The following ZNF705A variants were observed in gnomAD, a reference collection of about 807,000 sequenced individuals.
The protein encoded by ZNF705A is zinc finger protein 705A.
A neutral mutation model predicts 16.6 loss-of-function variants in ZNF705A; 8 were observed. That is an observed-to-expected ratio of 0.48 (90% CI 0.28 to 0.87). ZNF705A has a LOEUF of 0.87. ZNF705A is among the 40% of genes least tolerant of loss of function. ZNF705A has a pLI of 0.10. For missense variants in ZNF705A, 233 were observed against 359.9 expected, an observed-to-expected ratio of 0.65 and a Z score of 2.85; for synonymous variants, 73 against 117.3, an observed-to-expected ratio of 0.62 and a Z score of 2.44.
chr12:8,162,323 C>T (rs1948362704), intron 1 of ZNF705A, among the ~76,000 whole-genome samples: 2 of 152,128 alleles, frequency 1.3e-5, no homozygotes, highest in Non-Finnish European at 2.9e-5. Flanking sequence ...AAAATTTCTG[C>T]AAAACCAGAA....
intron 1 of ZNF705A, among the ~76,000 whole-genome samples, chr12:8,158,864 T>G (rs190411876): frequency 6.6e-6 from 1 of 152,242 alleles, no homozygotes; most frequent in African/African-American, 2.4e-5. Flanking sequence ...AGTATTTGGG[T>G]ACATAAGTAA....
upstream of ZNF705A, among the ~76,000 whole-genome samples, chr12:8,168,573 G>C (rs1278254092): frequency 2.0e-5 from 3 of 152,082 alleles, no homozygotes; most frequent in Admixed American, 1.3e-4. Flanking sequence ...GTAACTACTA[G>C]TCACATGTGA....
exon 5 of ZNF705A, chr12:8,178,774 G>A (rs1948507762): frequency 6.6e-6 from 1 of 152,234 alleles, no homozygotes; most frequent in African/African-American, 2.4e-5. Context: ...AACTTAGTAT[G>A]TTGGCGAAGC....
chr12:8,167,674 C>T (rs1260370150), upstream of ZNF705A, among the ~76,000 whole-genome samples: 1 of 152,128 alleles, frequency 6.6e-6, no homozygotes, highest in Non-Finnish European at 1.5e-5. Context: ...GGTCTCATTC[C>T]CTTACAATGA....
exon 4 of ZNF705A, chr12:8,175,934 A>G (rs1246526886): frequency 1.2e-6 from 2 of 1,611,526 alleles, no homozygotes. Flanking sequence ...ATCCACCAGT[A>G]TGACAATGGT....
At chr12:8,167,232 T>G (rs150431907) in intron 1 of ZNF705A, among the ~76,000 whole-genome samples, 11,421 of 152,110 alleles carry the variant, frequency 0.075, 1,103 homozygotes, top group African/African-American at 0.24. Flanking sequence ...TGCTTTCTAG[T>G]ACATATAATA....
At chr12:8,160,991 G>T (rs1344136589) in intron 1 of ZNF705A, among the ~76,000 whole-genome samples, 5 of 152,052 alleles carry the variant, frequency 3.3e-5, no homozygotes, top group African/African-American at 7.2e-5. Flanking sequence ...TTACATTGAG[G>T]TATGTCCCCT....
intron 1 of ZNF705A, 23 bp from the exon 3 acceptor site, chr12:8,174,303 C>T (rs765627032): frequency 1.3e-6 from 2 of 1,593,104 alleles, no homozygotes; most frequent in African/African-American, 2.7e-5. Context: ...TCTGTCTAAA[C>T]TAAAATGTCT....
intron 1 of ZNF705A, among the ~76,000 whole-genome samples, 200 bp from the exon 3 acceptor site, chr12:8,174,126 T>C (rs1948466204): frequency 2.0e-5 from 3 of 152,176 alleles, no homozygotes; most frequent in Admixed American, 1.3e-4. Context: ...TATAGTAAAG[T>C]TTAATGGATT....
intron 3 of ZNF705A, among the ~76,000 whole-genome samples, 160 bp downstream of exon 4, chr12:8,175,483 C>T (rs753274827): frequency 3.3e-5 from 5 of 152,104 alleles, no homozygotes; most frequent in Admixed American, 6.5e-5. Flanking sequence ...TCATTTTGTT[C>T]ATGTGTCAGA....
At position 8,174,241 on chromosome 12, in the gene ZNF705A, C is replaced by A. The variant is rs1591625316; in HGVS notation, c.13-85C>A. 3.1e-6 allele frequency: 5 copies of A among 1,596,182 alleles called. No individual in the cohort carries two copies. The East Asian group carries it at 1.1e-4, about 36-fold the overall frequency. The stretch of plus-strand genomic sequence containing the variant: ...AACACTGAGTATTCTGCATACCCAG[C>A]TCCTAGCTATGTCATCTCAGCCTTC... On this transcript the variant is annotated intron_variant, in intron 1 of 4. Transcript: ENST00000359286.
At chr12:8,171,558 G>A (rs1220856036), upstream of ZNF705A, among the ~76,000 whole-genome samples, 2 of 152,066 alleles carry the variant, frequency 1.3e-5, no homozygotes, top group Non-Finnish European at 2.9e-5. Flanking sequence ...CCACCCCTAC[G>A]TCATTTTGTG....
intron 1 of ZNF705A, among the ~76,000 whole-genome samples, chr12:8,164,564 T>C (rs574096778): frequency 4.9e-4 from 75 of 152,238 alleles, no homozygotes; most frequent in Non-Finnish European, 9.8e-4. Context: ...CTGCTCCCAC[T>C]TGTAAGTTAG....
intron 1 of ZNF705A, among the ~76,000 whole-genome samples, chr12:8,161,179 T>C (rs149684574): frequency 6.6e-6 from 1 of 152,202 alleles, no homozygotes; most frequent in East Asian, 1.9e-4. Flanking sequence ...ATGAAACCCA[T>C]TTGATCATGG....
At chr12:8,175,027 C>T (rs910887406) in intron 2 of ZNF705A, among the ~76,000 whole-genome samples, 51 of 152,248 alleles carry the variant, frequency 3.3e-4, no homozygotes, top group African/African-American at 1.2e-3. Context: ...TTTCCTTTTC[C>T]TGATGGCCCT....
At chr12:8,170,833 T>C (rs1197915595), upstream of ZNF705A, among the ~76,000 whole-genome samples, 2 of 152,078 alleles carry the variant, frequency 1.3e-5, no homozygotes, top group Non-Finnish European at 2.9e-5. Context: ...GTCCAAGGAA[T>C]AAGAAAAAAG....
upstream of ZNF705A, among the ~76,000 whole-genome samples, chr12:8,172,032 C>T (rs1355945400): frequency 6.6e-6 from 1 of 152,156 alleles, no homozygotes; most frequent in Non-Finnish European, 1.5e-5. Context: ...CCGCCACACT[C>T]GACCCTAAAA....
At chr12:8,171,694 C>T (rs1219081069), upstream of ZNF705A, among the ~76,000 whole-genome samples, 1 of 151,968 alleles carries the variant, frequency 6.6e-6, no homozygotes, top group East Asian at 1.9e-4. Context: ...GGAGTGTTGA[C>T]CCTCTAAGTG....
exon 5 of ZNF705A, chr12:8,177,292 A>G (rs1392921084): frequency 4.3e-6 from 7 of 1,611,752 alleles, no homozygotes; most frequent in Non-Finnish European, 5.9e-6. Flanking sequence ...CATGTCATCT[A>G]TGTGGAAAAG....
Sources: allele counts gnomAD v4.1 joint callset (sites outside exome capture counted in the v4.1 genomes callset), GRCh38; gene constraint gnomAD v4.1.1; transcripts MANE v1.5; gene names NCBI Gene and HGNC (gene_info 2026-07-23, HGNC 2026-07-21).